The following LOC128462377 variants were observed in gnomAD, a reference collection of about 807,000 sequenced individuals.
the LOC128462377 span, among the ~76,000 whole-genome samples, chr16:89,368,198 C>T: frequency 1.3e-5 from 2 of 151,360 alleles, no homozygotes; most frequent in African/African-American, 4.9e-5. Flanking sequence ...AACATGTTTT[C>T]GAGCTTTTTT....
At chr16:89,408,650 C>G in the LOC128462377 span, among the ~76,000 whole-genome samples, 19 of 152,274 alleles carry the variant, frequency 1.2e-4, no homozygotes, top group African/African-American at 3.9e-4. Flanking sequence ...ACAGCAGCCC[C>G]TCCTCGCACC....
chr16:89,407,773 C>A, the LOC128462377 span, among the ~76,000 whole-genome samples: 10 of 150,526 alleles, frequency 6.6e-5, no homozygotes, highest in African/African-American at 2.4e-4. Context: ...TCGCTTGAGC[C>A]CAGGAGGCAG....
At chr16:89,386,319 A>G in the LOC128462377 span, among the ~76,000 whole-genome samples, 1 of 152,110 alleles carries the variant, frequency 6.6e-6, no homozygotes, top group African/African-American at 2.4e-5. Flanking sequence ...CAATGCACTA[A>G]TTCTCCCTTC....
chr16:89,342,518 C>G, the LOC128462377 span, among the ~76,000 whole-genome samples: 1 of 152,246 alleles, frequency 6.6e-6, no homozygotes, highest in African/African-American at 2.4e-5. Context: ...CGTGAACTCG[C>G]TGCGGCCTGC....
At chr16:89,409,382 T>TC in the LOC128462377 span, among the ~76,000 whole-genome samples, 1 of 152,086 alleles carries the variant, frequency 6.6e-6, no homozygotes, top group South Asian at 2.1e-4. Flanking sequence ...GGGAAGGCGG[T>TC]CCCCATCCTC....
At chr16:89,337,879 G>A in the LOC128462377 span, among the ~76,000 whole-genome samples, 1 of 152,210 alleles carries the variant, frequency 6.6e-6, no homozygotes, top group Non-Finnish European at 1.5e-5. Context: ...GTGGTCTTCA[G>A]TCTACTGTGT....
chr16:89,322,332 T>C, the LOC128462377 span, among the ~76,000 whole-genome samples: 1 of 152,254 alleles, frequency 6.6e-6, no homozygotes, highest in Non-Finnish European at 1.5e-5. Context: ...AGTATGTTGA[T>C]AGAACAGGCC....
chr16:89,398,333 C>T, the LOC128462377 span, among the ~76,000 whole-genome samples: 38,678 of 99,610 alleles, frequency 0.39, 13,371 homozygotes, highest in Middle Eastern at 0.66. Context: ...CAGCTGAAGA[C>T]TACCTGTGAC....
At chr16:89,381,207 C>T in the LOC128462377 span, among the ~76,000 whole-genome samples, 11 of 151,752 alleles carry the variant, frequency 7.2e-5, no homozygotes, top group Non-Finnish European at 5.9e-5. Flanking sequence ...TGGTGTGCAC[C>T]GGTAATCCCA....
At chr16:89,365,287 A>C in the LOC128462377 span, among the ~76,000 whole-genome samples, 1 of 152,222 alleles carries the variant, frequency 6.6e-6, no homozygotes, top group Non-Finnish European at 1.5e-5. Flanking sequence ...CACGTAGTCT[A>C]AACCCTTGTG....
chr16:89,371,674 G>A, the LOC128462377 span, among the ~76,000 whole-genome samples: 1 of 152,130 alleles, frequency 6.6e-6, no homozygotes, highest in Non-Finnish European at 1.5e-5. Flanking sequence ...ACTCCCCCCT[G>A]CACCCCCTCA....
chr16:89,402,384 G>A, the LOC128462377 span, among the ~76,000 whole-genome samples: 16 of 152,142 alleles, frequency 1.1e-4, no homozygotes, highest in South Asian at 1.5e-3. Flanking sequence ...TATTTAAATC[G>A]GTAGGCACAT....
the LOC128462377 span, among the ~76,000 whole-genome samples, chr16:89,382,099 G>T: frequency 2.6e-5 from 4 of 152,302 alleles, no homozygotes; most frequent in African/African-American, 9.6e-5. Context: ...CCACCAGAAC[G>T]GGCGAGGGGG....
the LOC128462377 span, among the ~76,000 whole-genome samples, chr16:89,388,073 C>CA: frequency 6.6e-6 from 1 of 151,608 alleles, no homozygotes; most frequent in Non-Finnish European, 1.5e-5. Context: ...TTCAGACTTA[C>CA]AAAAAAGTTG....
chr16:89,360,701 T>G, the LOC128462377 span: 1 of 152,222 alleles, frequency 6.6e-6, no homozygotes, highest in Non-Finnish European at 1.5e-5. Context: ...CTGTCATACG[T>G]GGACTCCCTT....
At chr16:89,325,465 T>G in the LOC128462377 span, among the ~76,000 whole-genome samples, 1 of 139,346 alleles carries the variant, frequency 7.2e-6, no homozygotes, top group East Asian at 2.0e-4. Flanking sequence ...TCTCTCTCTC[T>G]CTCTCACACA....
chr16:89,317,098 C>T, the LOC128462377 span: 2 of 1,457,318 alleles, frequency 1.4e-6, no homozygotes, highest in South Asian at 2.4e-5. Context: ...AGAAGACACA[C>T]AATTCACTGA....
the LOC128462377 span, among the ~76,000 whole-genome samples, chr16:89,385,833 GA>G: frequency 4.6e-5 from 7 of 152,256 alleles, no homozygotes; most frequent in Admixed American, 1.3e-4. Flanking sequence ...AGAGGCCGGG[GA>G]TTAGGCCAGA....
At chr16:89,378,643 C>T in the LOC128462377 span, among the ~76,000 whole-genome samples, 1 of 152,220 alleles carries the variant, frequency 6.6e-6, no homozygotes, top group Non-Finnish European at 1.5e-5. Context: ...TGTTTGAAGA[C>T]ACTGGTGTAC....
Sources: gnomAD v4.1 joint callset for allele counts (sites outside exome capture counted in the v4.1 genomes callset) on GRCh38, gnomAD v4.1.1 for gene constraint, MANE v1.5 for transcripts.